MEGF11: variants seen among roughly 807,000 people sequenced by gnomAD.
The protein encoded by MEGF11 is multiple EGF like domains 11, also known as multiple epidermal growth factor-like domains protein 11.
A neutral mutation model predicts 146.6 loss-of-function variants in MEGF11; 126 were observed. That is an observed-to-expected ratio of 0.86 (90% confidence interval 0.74 to 1.00). The LOEUF is 1.00. Among genes scored for constraint, MEGF11 ranks in the 50% least tolerant of loss-of-function variants. The pLI, the probability that MEGF11 is intolerant of heterozygous loss-of-function variation, is 0.00. For synonymous variants in MEGF11, 532 were observed against 583.4 expected, an observed-to-expected ratio of 0.91 and a Z score of 1.27; for missense variants, 1,509 against 1,521.2, an observed-to-expected ratio of 0.99 and a Z score of 0.13.
intron 1 of MEGF11, among the ~76,000 whole-genome samples, chr15:66,178,970 A>G (rs1329765680): frequency 2.0e-5 from 3 of 152,228 alleles, no homozygotes; most frequent in Non-Finnish European, 4.4e-5. Flanking sequence ...ATGACAAAAA[A>G]GAAACAAAAA....
At chr15:66,046,864 C>G (rs2084225797) in intron 5 of MEGF11, among the ~76,000 whole-genome samples, 1 of 152,212 alleles carries the variant, frequency 6.6e-6, no homozygotes, top group Non-Finnish European at 1.5e-5. Flanking sequence ...TGTGTACAAT[C>G]TGCCAGTTCC....
In MEGF11 at chr15:65,922,711, A is replaced by T. The variant is rs778059253; in HGVS notation, c.1822+112T>A. On this transcript the variant is annotated intron_variant, in intron 14 of 25. Transcript: ENST00000395614. ...GGGAGAGACTAGAGGGAAGGAAGAG[A>T]TGGGGGCTGATTCAAGAGCCCAGCC... The T allele has an allele frequency of 2.9e-6, 4 of 1,368,920 alleles. No individual in the cohort carries two copies. In the East Asian group the frequency reaches 9.5e-5, roughly 33 times the overall value. The allele number at this position is 1,368,920 out of a possible 1,614,324, so 84.8% of individuals were successfully genotyped here. A position where few individuals can be genotyped will look rare whatever the true frequency, so the allele number is the denominator to read the frequency against.
intron 1 of MEGF11, among the ~76,000 whole-genome samples, chr15:66,194,989 G>A (rs929893934): frequency 1.3e-5 from 2 of 151,976 alleles, no homozygotes; most frequent in Admixed American, 6.5e-5. Flanking sequence ...TAAGTGGCAC[G>A]TGGTCTAGTT....
intron 10 of MEGF11, among the ~76,000 whole-genome samples, chr15:65,935,322 G>GAAAAAAAAAAAAAAAAAAAAAA (rs71139449): frequency 5.7e-5 from 2 of 35,202 alleles, no homozygotes; most frequent in Non-Finnish European, 9.5e-5. Flanking sequence ...TCCGTCTCAA[G>GAAAAAAAAAAAAAAAAAAAAAA]AAAAAAAAAA....
intron 1 of MEGF11, among the ~76,000 whole-genome samples, chr15:66,222,230 T>C (rs2091754786): frequency 1.3e-5 from 2 of 152,102 alleles, no homozygotes; most frequent in Non-Finnish European, 2.9e-5. Context: ...GTATATCTCC[T>C]GGCTCTTTCT....
intron 5 of MEGF11, among the ~76,000 whole-genome samples, chr15:66,089,783 T>G (rs768841495): frequency 2.0e-5 from 3 of 152,244 alleles, no homozygotes; most frequent in African/African-American, 4.8e-5. Flanking sequence ...TGTCAGTGCT[T>G]TAATATTCCT....
chr15:66,204,979 ATTT>A (rs34157473), intron 1 of MEGF11, among the ~76,000 whole-genome samples: 41 of 125,120 alleles, frequency 3.3e-4, no homozygotes, highest in African/African-American at 3.4e-4. Flanking sequence ...CTTGGGTTGA[ATTT>A]TTTTTTTTTT....
intron 5 of MEGF11, among the ~76,000 whole-genome samples, chr15:66,032,117 C>G (rs1015862939): frequency 1.2e-4 from 19 of 152,234 alleles, no homozygotes; most frequent in African/African-American, 4.6e-4. Context: ...GAAACCATCC[C>G]CTTCATGGAA....
intron 5 of MEGF11, among the ~76,000 whole-genome samples, chr15:65,990,570 CAAGGGAAGA>C: frequency 1.1e-5 from 1 of 91,234 alleles, no homozygotes; most frequent in South Asian, 3.4e-4. Context: ...AACAAGCAAG[CAAGGGAAGA>C]AAGGAAAGAA....
chr15:66,016,208 C>T (rs1320615980), intron 5 of MEGF11, among the ~76,000 whole-genome samples: 2 of 152,154 alleles, frequency 1.3e-5, no homozygotes, highest in Non-Finnish European at 2.9e-5. Flanking sequence ...CTCCTCCATC[C>T]TGTGGTTTAT....
At chr15:66,180,945 C>T (rs542398726) in intron 1 of MEGF11, among the ~76,000 whole-genome samples, 1 of 152,206 alleles carries the variant, frequency 6.6e-6, no homozygotes, top group African/African-American at 2.4e-5. Context: ...CTCAATTGCC[C>T]TCAGCTGACC....
chr15:66,178,841 G>T (rs1871001), intron 1 of MEGF11, among the ~76,000 whole-genome samples: 70,600 of 151,872 alleles, frequency 0.46, 16,479 homozygotes, highest in East Asian at 0.49. Flanking sequence ...AAGTGATTCG[G>T]AAAAAAGGTC....
chr15:66,248,858 G>C (rs1749917447), intron 1 of MEGF11, among the ~76,000 whole-genome samples: 3 of 152,214 alleles, frequency 2.0e-5, no homozygotes, highest in African/African-American at 7.2e-5. Context: ...TGTTAAGCCT[G>C]CATAATTACT....
At chr15:65,995,871 T>C (rs558110388) in intron 5 of MEGF11, among the ~76,000 whole-genome samples, 1 of 152,118 alleles carries the variant, frequency 6.6e-6, no homozygotes, top group Non-Finnish European at 1.5e-5. Context: ...AAACACACAA[T>C]GCGCCCTACT....
rs2083648526 is a variant in MEGF11, at chr15:66,034,419, T to C, written c.395-51931A>G. Among the ~76,000 whole-genome samples, 2 of 151,460 alleles carry C rather than the reference T, an allele frequency of 1.3e-5. 1 individual carries two copies. The highest frequency in any genetic ancestry group is 1.3e-4 in the Admixed American group (2 of 15,200). ...GCTGGTTTTTTTTTTTTTGTTTTTG[T>C]TTTTTGGTTTTTCTTTTTGAGACAG... On this transcript the variant is annotated intron_variant, in intron 5 of 25. Coordinates refer to ENST00000395614, the MANE Select transcript of MEGF11 (RefSeq NM_001385028.1).
chr15:66,132,352 A>T (rs1249943214), intron 1 of MEGF11, among the ~76,000 whole-genome samples: 1 of 152,152 alleles, frequency 6.6e-6, no homozygotes, highest in African/African-American at 2.4e-5. Context: ...CAGCCTTAAG[A>T]TCCATCTAAG....
At chr15:66,234,559 A>G (rs977541423) in intron 1 of MEGF11, among the ~76,000 whole-genome samples, 1 of 152,196 alleles carries the variant, frequency 6.6e-6, no homozygotes, top group East Asian at 1.9e-4. Context: ...GTTTACTCCT[A>G]CATGGAAGAC....
rs764864258 is a variant in MEGF11 at position 65,909,959 on chromosome 15, A to G, written c.2830-153T>C. 31 of 713,868 alleles carry G rather than the reference A, an allele frequency of 4.3e-5. No homozygotes were observed. In the Middle Eastern group the frequency reaches 1.4e-3, roughly 31 times the overall value. The allele number at this position is 713,868 out of a possible 1,614,324, so 44.2% of individuals were successfully genotyped here. A position where few individuals can be genotyped will look rare whatever the true frequency, so the allele number is the denominator to read the frequency against. On this transcript the variant is annotated intron_variant, in intron 21 of 25. Transcript: ENST00000395614. Reference sequence around the variant, plus strand: ...AGAGAAAGGGCGAGCTAGGTGTTCCATGACAGGCCACCATGGTGTGGTTGA... The same window carrying G: ...AGAGAAAGGGCGAGCTAGGTGTTCCGTGACAGGCCACCATGGTGTGGTTGA...
chr15:66,061,703 A>G (rs2084916010), intron 5 of MEGF11, among the ~76,000 whole-genome samples: 1 of 150,694 alleles, frequency 6.6e-6, no homozygotes, highest in African/African-American at 2.4e-5. Flanking sequence ...TGGTACAATC[A>G]TAGCTCACTG....
Sources: allele counts gnomAD v4.1 joint callset (sites outside exome capture counted in the v4.1 genomes callset), GRCh38; gene constraint gnomAD v4.1.1; transcripts MANE v1.5; gene names NCBI Gene and HGNC (gene_info 2026-07-23, HGNC 2026-07-21).